The following QDPR variants were observed in gnomAD, a reference collection of about 807,000 sequenced individuals.
QDPR encodes the protein dihydropteridine reductase.
In QDPR, 23 loss-of-function variants were observed where a neutral mutation model predicts 31.7. The ratio of observed to expected loss-of-function variants is 0.73; its 90% CI spans 0.52 to 1.03. The LOEUF is 1.03. Ranked by LOEUF, QDPR falls within the 50% of genes least tolerant of loss-of-function variation. The pLI, the probability that QDPR is intolerant of heterozygous loss-of-function variation, is 0.00. For synonymous variants in QDPR, 124 were observed against 124.7 expected, an observed-to-expected ratio of 0.99 and a Z score of 0.03; for missense variants, 324 against 323.8, an observed-to-expected ratio of 1.00 and a Z score of 0.00.
In QDPR at chr4:17,501,533, G is replaced by A. The variant is rs558606241; in HGVS notation, c.436+186C>T. Among the ~76,000 whole-genome samples the A allele has an allele frequency of 6.6e-5, 10 of 152,176 alleles. No homozygotes were observed. In the East Asian group the frequency reaches 7.7e-4, roughly 12 times the overall value. ...TACCACCACCATAAACATAAGGACA[G>A]GCAAACAAAAGATCAGAACTCTTCT... On this transcript the variant is annotated intron_variant, in intron 4 of 6. Coordinates refer to ENST00000281243, the MANE Select transcript of QDPR (RefSeq NM_000320.3).
At chr4:17,508,558 G>A (rs991904257) in intron 2 of QDPR, among the ~76,000 whole-genome samples, 4 of 151,104 alleles carry the variant, frequency 2.6e-5, no homozygotes, top group Non-Finnish European at 5.9e-5. Context: ...TAAATAAATT[G>A]TGGCCATTCC....
intron 2 of QDPR, among the ~76,000 whole-genome samples, chr4:17,507,127 T>A (rs1347527331): frequency 6.6e-6 from 1 of 152,184 alleles, no homozygotes; most frequent in Non-Finnish European, 1.5e-5. Flanking sequence ...AGTATTGAGA[T>A]TACCAAGGAA....
chr4:17,512,026 G>C lies in QDPR; in HGVS notation c.29C>G (p.Ala10Gly), dbSNP rs371735382. 6.2e-7 allele frequency: 1 copy of C among 1,605,270 alleles called. No individual in the cohort carries two copies. The highest frequency in any genetic ancestry group is 8.5e-7 in the Non-Finnish European group (1 of 1,177,030). ...GCCGCCGTACACCAGCACCCGGCGC[G>C]CCTCGCCTGCAGCCGCCGCCGCCGC... is the stretch of plus-strand genomic sequence containing the variant. MAAAAAAGE[A>G]RRVLVYGGRG... Residue 10 changes from alanine (A) to glycine (G), a missense_variant, in exon 1 of 7, where the codon GCG becomes GGG. Transcript: ENST00000281243.
chr4:17,504,304 C>A, intron 3 of QDPR, 75 bp downstream of exon 3: 1 of 1,312,860 alleles, frequency 7.6e-7, no homozygotes, highest in East Asian at 2.3e-5. Context: ...GGCCTGTCAC[C>A]TAGTGCAAAC....
intron 3 of QDPR, among the ~76,000 whole-genome samples, chr4:17,503,344 G>A (rs1718637937): frequency 6.6e-6 from 1 of 152,176 alleles, no homozygotes; most frequent in South Asian, 2.1e-4. Context: ...GGAATAAACT[G>A]GGGAAATTTG....
At chr4:17,507,030 C>T (rs1051844091) in intron 2 of QDPR, among the ~76,000 whole-genome samples, 4 of 152,008 alleles carry the variant, frequency 2.6e-5, no homozygotes, top group Admixed American at 2.0e-4. Context: ...TTTCTTTTTG[C>T]TTATTTGTAT....
At chr4:17,506,138 G>GT in intron 2 of QDPR, among the ~76,000 whole-genome samples, 1 of 152,162 alleles carries the variant, frequency 6.6e-6, no homozygotes, top group Non-Finnish European at 1.5e-5. Context: ...TTTATTTTTT[G>GT]TTTGTTTTTT....
At chr4:17,507,925 C>A (rs2108996360) in intron 2 of QDPR, among the ~76,000 whole-genome samples, 1 of 152,220 alleles carries the variant, frequency 6.6e-6, no homozygotes, top group East Asian at 1.9e-4. Context: ...ATATTTATAC[C>A]AGGATATCCA....
chr4:17,509,105 C>T lies in QDPR; in HGVS notation c.198+166G>A, dbSNP rs913355890. Among the ~76,000 whole-genome samples, 8 of 152,180 alleles carry T rather than the reference C, an allele frequency of 5.3e-5. No homozygotes were observed. In the Middle Eastern group the frequency reaches 0.01, roughly 194 times the overall value. ...CCCAGGAGGCAAAGGTTGCAGTGAACGGAGATCATGCCACTGCACTCCAGC... is the reference window on the plus strand; with the variant it reads ...CCCAGGAGGCAAAGGTTGCAGTGAATGGAGATCATGCCACTGCACTCCAGC... On this transcript the variant is annotated intron_variant, in intron 2 of 6. Transcript: ENST00000281243.
At chr4:17,511,895 C>A in intron 1 of QDPR, 55 bp downstream of exon 1, 1 of 1,567,056 alleles carries the variant, frequency 6.4e-7, no homozygotes, top group Non-Finnish European at 8.7e-7. Context: ...GGGTTCCACA[C>A]GAAAGCCCCC....
chr4:17,503,278 G>T (rs992760898), intron 3 of QDPR, among the ~76,000 whole-genome samples: 1 of 152,088 alleles, frequency 6.6e-6, no homozygotes, highest in African/African-American at 2.4e-5. Flanking sequence ...ACAACATAAT[G>T]CAGTACATAA....
chr4:17,500,454 C>A (rs191363493), intron 4 of QDPR, among the ~76,000 whole-genome samples: 4 of 152,052 alleles, frequency 2.6e-5, no homozygotes, highest in Admixed American at 2.0e-4. Flanking sequence ...GGACTGTATT[C>A]GAAGATCTTT....
At position 17,486,928 on chromosome 4, in the gene QDPR, G is replaced by A. The variant is rs1316007101; in HGVS notation, c.*203C>T. Reference sequence around the variant, plus strand: ...CACAGATCAACGGATGCTATTTGCAGGCCACCAGTCTCGCATGTCTTTACT... The same window carrying A: ...CACAGATCAACGGATGCTATTTGCAAGCCACCAGTCTCGCATGTCTTTACT... On this transcript the variant is annotated 3_prime_UTR_variant, in exon 7 of 7. Transcript: ENST00000281243. 2 of 602,362 alleles carry A rather than the reference G, an allele frequency of 3.3e-6. No homozygotes were observed. Among genetic ancestry groups the A allele is most frequent in the East Asian group, 5.8e-5 (2 of 34,460 alleles). 37.3% of individuals were successfully genotyped at this position (602,362 alleles called of 1,614,324 possible).
In QDPR at chr4:17,490,674, T is replaced by C. The variant is rs770391436; in HGVS notation, c.617A>G (p.Glu206Gly). 6.2e-7 allele frequency: 1 copy of C among 1,613,518 alleles called. No homozygotes were observed. Among genetic ancestry groups the C allele is most frequent in the Non-Finnish European group, 8.5e-7 (1 of 1,179,480 alleles). The change falls in exon 6 of 7, where the codon GAA becomes GGA. Residue 206 changes from glutamate to glycine, a missense_variant. Physicochemically the swap from Glu to Gly is moderately conservative, Grantham distance 98. Coordinates refer to ENST00000281243, the MANE Select transcript of QDPR (RefSeq NM_000320.3). ...CTGTAATACTCACTCAACTAGGAAT[T>C]CTAAGGGTGTCCAGGAGCTGAAGTC... Reference protein sequence around the residue: ...EADFSSWTPLEFLVETFHDWI... With the variant: ...EADFSSWTPLGFLVETFHDWI...
At chr4:17,501,602 C>G in intron 4 of QDPR, 117 bp downstream of exon 4, 1 of 1,219,346 alleles carries the variant, frequency 8.2e-7, no homozygotes, top group South Asian at 1.3e-5. Flanking sequence ...ATCCATCTAT[C>G]TGTTAAGCAG....
intron 4 of QDPR, among the ~76,000 whole-genome samples, chr4:17,500,376 G>A (rs1359756156): frequency 2.6e-5 from 4 of 152,208 alleles, no homozygotes; most frequent in African/African-American, 9.6e-5. Flanking sequence ...CACAGGGAGT[G>A]TTATGGGCTG....
At chr4:17,507,702 C>G (rs572094104) in intron 2 of QDPR, among the ~76,000 whole-genome samples, 3 of 151,848 alleles carry the variant, frequency 2.0e-5, no homozygotes, top group South Asian at 2.1e-4. Context: ...CTCCCAGGTT[C>G]AAGTGATTCT....
In QDPR at chr4:17,511,881, C is replaced by G. The variant is rs1250480039; in HGVS notation, c.105+69G>C. On this transcript the variant is annotated intron_variant, in intron 1 of 6. Transcript: ENST00000281243. ...CCCCACCTTCCTCTAGACTGCCCCC[C>G]GCCGGGTTCCACACGAAAGCCCCCG... is the stretch of plus-strand genomic sequence containing the variant. 1.9e-5 allele frequency: 28 copies of G among 1,485,320 alleles called. 1 individual carries two copies. The highest frequency in any genetic ancestry group is 1.1e-4 in the South Asian group (9 of 84,510). The allele number at this position is 1,485,320 out of a possible 1,614,324, so 92.0% of individuals were successfully genotyped here. A position where few individuals can be genotyped will look rare whatever the true frequency, so the allele number is the denominator to read the frequency against.
At chr4:17,509,208 C>G in intron 2 of QDPR, 63 bp downstream of exon 2, 1 of 1,226,442 alleles carries the variant, frequency 8.2e-7, no homozygotes, top group Non-Finnish European at 1.2e-6. Context: ...GAAGAACATA[C>G]AGCCAGTGGT....
Sources: allele counts gnomAD v4.1 joint callset (sites outside exome capture counted in the v4.1 genomes callset), GRCh38; gene constraint gnomAD v4.1.1; transcripts MANE v1.5; gene names NCBI Gene and HGNC (gene_info 2026-07-23, HGNC 2026-07-21).